HEATR3: variants seen among roughly 807,000 people sequenced by gnomAD.
The protein encoded by HEATR3 is HEAT repeat-containing protein 3.
Under a neutral mutation model 72.8 loss-of-function variants are expected in HEATR3, and 56 were observed. That is an observed-to-expected ratio of 0.77 (90% CI 0.62 to 0.96). The LOEUF (loss-of-function observed/expected upper bound fraction) is 0.96. Among genes scored for constraint, HEATR3 ranks in the 40% least tolerant of loss-of-function variants. The probability of loss-of-function intolerance (pLI) is 0.00; values close to 1 mark genes in which losing one functional copy is unlikely to be tolerated. For missense variants in HEATR3, 747 were observed against 831.4 expected, an observed-to-expected ratio of 0.90 and a Z score of 1.25; for synonymous variants, 331 against 318.1, an observed-to-expected ratio of 1.04 and a Z score of -0.43.
intron 12 of HEATR3, among the ~76,000 whole-genome samples, chr16:50,097,116 G>A (rs2037256551): frequency 6.6e-6 from 1 of 151,932 alleles, no homozygotes; most frequent in Admixed American, 6.6e-5. Flanking sequence ...GACAGGTCCA[G>A]ATTTTTTGGC....
At chr16:50,075,754 T>G in intron 6 of HEATR3, 43 bp downstream of exon 6, 1 of 1,574,826 alleles carries the variant, frequency 6.3e-7, no homozygotes, top group South Asian at 1.1e-5. Context: ...TTCAGTAGCT[T>G]TTGGTATGGA....
At chr16:50,087,310 C>T (rs572618079) in intron 11 of HEATR3, among the ~76,000 whole-genome samples, 82 of 152,168 alleles carry the variant, frequency 5.4e-4, no homozygotes, top group African/African-American at 1.9e-3. Flanking sequence ...GTCTCTGATA[C>T]GGATTAATTT....
chr16:50,094,847 G>A (rs2037197533), intron 12 of HEATR3, 54 bp downstream of exon 12: 1 of 990,328 alleles, frequency 1.0e-6, no homozygotes, highest in South Asian at 1.5e-5. Context: ...GTATTATGGA[G>A]GCAAAATTCA....
At chr16:50,076,658 C>T (rs1403505371) in intron 6 of HEATR3, among the ~76,000 whole-genome samples, 1 of 152,026 alleles carries the variant, frequency 6.6e-6, no homozygotes, top group African/African-American at 2.4e-5. Flanking sequence ...CCATCTCAGC[C>T]TCCCAAGTAG....
At chr16:50,075,479 A>C (rs2150600335) in intron 5 of HEATR3, 92 bp from the exon 6 acceptor site, 1 of 1,185,360 alleles carries the variant, frequency 8.4e-7, no homozygotes, top group Admixed American at 1.9e-5. Flanking sequence ...ATGAAGTGGT[A>C]ATGATACAAT....
chr16:50,100,731 A>G, intron 13 of HEATR3: 1 of 247,780 alleles, frequency 4.0e-6, no homozygotes, highest in South Asian at 4.9e-5. Flanking sequence ...ATGAATGAAC[A>G]ATCCACACCA....
At chr16:50,078,003 A>G (rs1351372065) in intron 6 of HEATR3, among the ~76,000 whole-genome samples, 9 of 150,482 alleles carry the variant, frequency 6.0e-5, no homozygotes, top group African/African-American at 2.0e-4. Flanking sequence ...CAGCCTCCCA[A>G]GTAGCTGGGA....
intron 12 of HEATR3, among the ~76,000 whole-genome samples, chr16:50,095,320 T>C (rs1384876835): frequency 6.6e-6 from 1 of 151,820 alleles, no homozygotes; most frequent in Non-Finnish European, 1.5e-5. Flanking sequence ...GTGGCCAGGC[T>C]GGTCTTAAAT....
Position 50,107,116 on chromosome 16 carries a change from A to G in HEATR3, c.*2055A>G, listed in dbSNP as rs904370993. Among the ~76,000 whole-genome samples, 11 of 152,202 alleles carry G rather than the reference A, an allele frequency of 7.2e-5. No individual in the cohort carries two copies. The highest frequency in any genetic ancestry group is 2.7e-4 in the African/African-American group (11 of 41,434). ...CTGCCTCAATTATTTATAAAATATA[A>G]TTATTTTCAAGGAGAAAAAAGTTCC... On this transcript the variant is annotated 3_prime_UTR_variant, in exon 15 of 15. Transcript: ENST00000299192.
chr16:50,067,424 A>G (rs1374991171), intron 2 of HEATR3, among the ~76,000 whole-genome samples: 1 of 152,116 alleles, frequency 6.6e-6, no homozygotes, highest in Non-Finnish European at 1.5e-5. Flanking sequence ...GCCAGGAGGC[A>G]TGGGAAAATA....
Position 50,072,720 on chromosome 16 carries a change from T to A in HEATR3, c.622+6T>A. On this transcript the variant is annotated splice_donor_region_variant and intron_variant, in intron 5 of 14. Transcript: ENST00000299192. ...TGACCTGGCTATTTCAGTAGGTAAG[T>A]GAAGAAAAGGTGATGACTTATTAAG... 1.3e-6 allele frequency: 2 copies of A among 1,496,600 alleles called. No individual in the cohort carries two copies. The highest frequency in any genetic ancestry group is 1.9e-6 in the Non-Finnish European group (2 of 1,072,520). 92.7% of individuals were successfully genotyped at this position (1,496,600 alleles called of 1,614,324 possible). A position where few individuals can be genotyped will look rare whatever the true frequency, so the allele number is the denominator to read the frequency against.
In HEATR3 at chr16:50,100,401, T is replaced by C. The variant is rs2037341226; in HGVS notation, c.1743+28T>C. 5 of 1,605,284 alleles carry C rather than the reference T, an allele frequency of 3.1e-6. No individual in the cohort carries two copies. The East Asian group carries it at 1.1e-4, about 36-fold the overall frequency. ...AAAACAATTTGCTTCTGACCTAACA[T>C]GTTAAATAATTAGAAATGGGAGAAG... On this transcript the variant is annotated intron_variant, in intron 13 of 14. Transcript: ENST00000299192.
At chr16:50,091,904 G>C (rs1300208428) in intron 11 of HEATR3, among the ~76,000 whole-genome samples, 2 of 151,324 alleles carry the variant, frequency 1.3e-5, no homozygotes, top group Admixed American at 6.6e-5. Flanking sequence ...ATCGTTCAAA[G>C]TTGTTGAGAG....
intron 4 of HEATR3, among the ~76,000 whole-genome samples, chr16:50,071,263 C>T (rs2036604819): frequency 6.6e-6 from 1 of 152,176 alleles, no homozygotes; most frequent in South Asian, 2.1e-4. Context: ...AGTGGCTGAC[C>T]TAAAAGCACA....
At chr16:50,096,679 A>G (rs2150624096) in intron 12 of HEATR3, among the ~76,000 whole-genome samples, 1 of 152,288 alleles carries the variant, frequency 6.6e-6, no homozygotes, top group East Asian at 1.9e-4. Context: ...GGCACCTGTA[A>G]TCCCAGCTAC....
intron 11 of HEATR3, among the ~76,000 whole-genome samples, chr16:50,092,780 A>C (rs12930079): frequency 0.62 from 94,215 of 152,016 alleles, 30,951 homozygotes; most frequent in South Asian, 0.72. Flanking sequence ...TGAATGCTTT[A>C]TGTCATACAC....
chr16:50,095,898 A>C (rs1567444963), intron 12 of HEATR3, among the ~76,000 whole-genome samples: 1 of 152,142 alleles, frequency 6.6e-6, no homozygotes, highest in Non-Finnish European at 1.5e-5. Flanking sequence ...AAATTTTTAA[A>C]AATCTTAACC....
intron 11 of HEATR3, among the ~76,000 whole-genome samples, chr16:50,089,878 G>A (rs1199443899): frequency 6.6e-6 from 1 of 152,008 alleles, no homozygotes; most frequent in African/African-American, 2.4e-5. Flanking sequence ...TGTTGGTCAG[G>A]CTGGTCTTGA....
intron 14 of HEATR3, among the ~76,000 whole-genome samples, chr16:50,103,795 G>C (rs1331931133): frequency 2.0e-5 from 3 of 152,204 alleles, no homozygotes; most frequent in Non-Finnish European, 2.9e-5. Context: ...GGAGCCCCAG[G>C]TGGGAGGATC....
Sources: gnomAD v4.1 joint callset for allele counts (sites outside exome capture counted in the v4.1 genomes callset) on GRCh38, gnomAD v4.1.1 for gene constraint, MANE v1.5 for transcripts, NCBI Gene and HGNC (gene_info 2026-07-23, HGNC 2026-07-21) for gene names.